The following TUSC3 variants were observed in gnomAD, a reference collection of about 807,000 sequenced individuals.
TUSC3 encodes dolichyl-diphosphooligosaccharide--protein glycosyltransferase subunit TUSC3.
In TUSC3, 45 loss-of-function variants were observed where a neutral mutation model predicts 44.8. The ratio of observed to expected loss-of-function variants is 1.00; its 90% CI spans 0.79 to 1.29. The LOEUF (loss-of-function observed/expected upper bound fraction) is 1.29. Ranked by LOEUF, TUSC3 falls within the 50% of genes most tolerant of loss-of-function variation. TUSC3 has a pLI of 0.00. For missense variants in TUSC3, 519 were observed against 437.9 expected (o/e 1.19, Z -1.65); for synonymous variants, 212 against 152.9 (o/e 1.39, Z -2.85).
At chr8:15,637,393 T>G (rs938281041) in intron 2 of TUSC3, among the ~76,000 whole-genome samples, 1 of 152,194 alleles carries the variant, frequency 6.6e-6, no homozygotes, top group African/African-American at 2.4e-5. Context: ...AACATACTGG[T>G]TTCCTGAGTC....
chr8:15,729,432 A>G (rs1421897399), intron 6 of TUSC3, among the ~76,000 whole-genome samples: 3 of 152,094 alleles, frequency 2.0e-5, no homozygotes, highest in Non-Finnish European at 4.4e-5. Flanking sequence ...CAGTTTCCTC[A>G]TTTGGAAGAT....
chr8:15,425,094 G>C (rs1230898944), intron 1 of TUSC3, among the ~76,000 whole-genome samples: 5 of 152,188 alleles, frequency 3.3e-5, no homozygotes, highest in East Asian at 1.9e-4. Context: ...CTTTAGGATT[G>C]AGTAAGCTTT....
intron 6 of TUSC3, among the ~76,000 whole-genome samples, chr8:15,674,180 C>G (rs1368308043): frequency 1.3e-5 from 2 of 152,006 alleles, no homozygotes; most frequent in Non-Finnish European, 2.9e-5. Flanking sequence ...CAATGTCCCT[C>G]CCATCCATGG....
chr8:15,529,148 G>T (rs1243422201), intron 2 of TUSC3, among the ~76,000 whole-genome samples: 2 of 152,016 alleles, frequency 1.3e-5, no homozygotes, highest in African/African-American at 4.8e-5. Flanking sequence ...AATATCCGAA[G>T]CACAAACACA....
intron 1 of TUSC3, among the ~76,000 whole-genome samples, chr8:15,588,958 C>G (rs1469864426): frequency 2.0e-5 from 3 of 152,072 alleles, no homozygotes; most frequent in African/African-American, 2.4e-5. Flanking sequence ...GTTATTGTAG[C>G]CTTATTGCAT....
At chr8:15,567,816 G>C (rs550430975) in intron 1 of TUSC3, among the ~76,000 whole-genome samples, 1 of 152,220 alleles carries the variant, frequency 6.6e-6, no homozygotes, top group Non-Finnish European at 1.5e-5. Context: ...CTTAGCTAAG[G>C]ACTATCTCCT....
intron 2 of TUSC3, among the ~76,000 whole-genome samples, chr8:15,493,258 T>A (rs964912059): frequency 1.3e-5 from 2 of 151,628 alleles, no homozygotes; most frequent in African/African-American, 4.8e-5. Context: ...AGACATCAAC[T>A]TTTTTTTTCT....
the TUSC3 span, among the ~76,000 whole-genome samples, chr8:15,800,739 A>G: frequency 1.3e-5 from 2 of 152,184 alleles, no homozygotes; most frequent in South Asian, 4.1e-4. Flanking sequence ...TTAGTATTTT[A>G]TGCATACTGA....
chr8:15,514,004 C>G (rs960237860), intron 2 of TUSC3, among the ~76,000 whole-genome samples: 1 of 152,140 alleles, frequency 6.6e-6, no homozygotes, highest in Admixed American at 6.5e-5. Context: ...AATAAAGCCC[C>G]TCTTACAGCC....
chr8:15,602,215 G>T (rs1222882745), intron 1 of TUSC3, among the ~76,000 whole-genome samples: 1 of 151,568 alleles, frequency 6.6e-6, no homozygotes, highest in Non-Finnish European at 1.5e-5. Flanking sequence ...TTGGATGAGG[G>T]ATACTCAGCC....
chr8:15,807,300 G>T, the TUSC3 span: 1 of 512,656 alleles, frequency 2.0e-6, no homozygotes, highest in Non-Finnish European at 3.6e-6. Context: ...TAATCCTGTA[G>T]GTCTCTATTA....
intron 1 of TUSC3, among the ~76,000 whole-genome samples, chr8:15,595,132 A>G (rs1804010539): frequency 6.6e-6 from 1 of 152,186 alleles, no homozygotes; most frequent in Non-Finnish European, 1.5e-5. Context: ...CTCAAACTGC[A>G]AGTGAGAAAA....
the TUSC3 span, among the ~76,000 whole-genome samples, chr8:15,820,254 A>T: frequency 6.6e-6 from 1 of 151,572 alleles, no homozygotes; most frequent in African/African-American, 2.4e-5. Context: ...TCAACTTGGT[A>T]ATATTTTGTT....
chr8:15,705,447 T>C (rs571407372), intron 6 of TUSC3, among the ~76,000 whole-genome samples: 7 of 152,232 alleles, frequency 4.6e-5, no homozygotes, highest in Admixed American at 4.6e-4. Context: ...ATTGATCACC[T>C]AACAGTAACG....
intron 1 of TUSC3, among the ~76,000 whole-genome samples, chr8:15,543,816 T>C (rs1427604860): frequency 6.6e-6 from 1 of 151,690 alleles, no homozygotes; most frequent in Non-Finnish European, 1.5e-5. Flanking sequence ...TTGCTTATCA[T>C]GAAACACCGA....
rs138001726 is a variant in TUSC3 at position 15,480,726 on chromosome 8, T to C, written n.92-2660T>C. The stretch of plus-strand genomic sequence containing the variant: ...TGTCTCTCTGAATGTCCTAACCTCC[T>C]CCTCTTAAAAGGACACTGGTCAGAT... On this transcript the variant is annotated intron_variant and non_coding_transcript_variant, in intron 1 of 5. Coordinates refer to the TUSC3 transcript ENST00000503191. Among the ~76,000 whole-genome samples, 481 of 152,254 alleles carry C rather than the reference T, an allele frequency of 3.2e-3. 1 individual carries two copies. The highest frequency in any genetic ancestry group is 0.011 in the African/African-American group (463 of 41,542).
chr8:15,789,594 A>G, the TUSC3 span, among the ~76,000 whole-genome samples: 1 of 152,200 alleles, frequency 6.6e-6, no homozygotes, highest in African/African-American at 2.4e-5. Flanking sequence ...AAACAAAATC[A>G]TACAACCTGT....
At chr8:15,459,181 A>G (rs752555749) in intron 1 of TUSC3, among the ~76,000 whole-genome samples, 1 of 152,154 alleles carries the variant, frequency 6.6e-6, no homozygotes, top group African/African-American at 2.4e-5. Context: ...TCACTATGAT[A>G]TTTACTGGAC....
intron 2 of TUSC3, among the ~76,000 whole-genome samples, chr8:15,484,755 A>C (rs1442607453): frequency 6.6e-6 from 1 of 152,204 alleles, no homozygotes; most frequent in Non-Finnish European, 1.5e-5. Flanking sequence ...AAGCAATTTT[A>C]ATATTCAGAG....
Sources: allele counts gnomAD v4.1 joint callset (sites outside exome capture counted in the v4.1 genomes callset), GRCh38; gene constraint gnomAD v4.1.1; transcripts MANE v1.5; gene names NCBI Gene and HGNC (gene_info 2026-07-23, HGNC 2026-07-21).